CATSPERE: variants seen among roughly 807,000 people sequenced by gnomAD.
CATSPERE encodes the protein cation channel sperm-associated auxiliary subunit epsilon.
Under a neutral mutation model 114.1 loss-of-function variants are expected in CATSPERE, and 93 were observed. That is an observed-to-expected ratio of 0.81 (90% CI 0.69 to 0.97). CATSPERE has a LOEUF of 0.97. Among genes scored for constraint, CATSPERE ranks in the 50% least tolerant of loss-of-function variants. The probability of loss-of-function intolerance (pLI) is 0.00; values close to 1 mark genes in which losing one functional copy is unlikely to be tolerated. For synonymous variants in CATSPERE, 341 were observed against 384.1 expected (o/e 0.89, Z 1.31); for missense variants, 1,058 against 1,131.6 (o/e 0.93, Z 0.93).
chr1:244,616,573 G>A (rs908143006), intron 19 of CATSPERE, among the ~76,000 whole-genome samples: 1 of 152,170 alleles, frequency 6.6e-6, no homozygotes, highest in Non-Finnish European at 1.5e-5. Context: ...CAAAAGGAGA[G>A]AGAGGGTGAG....
Position 244,610,247 on chromosome 1 carries a change from G to A in CATSPERE, c.2411G>A (p.Cys804Tyr), listed in dbSNP as rs1670530354. 4.4e-6 allele frequency: 7 copies of A among 1,605,838 alleles called. No individual in the cohort carries two copies. Among genetic ancestry groups the A allele is most frequent in the Non-Finnish European group, 6.0e-6 (7 of 1,175,612 alleles). Residue 804 changes from cysteine to tyrosine, a missense_variant, in exon 19 of 22, where the codon TGT becomes TAT. Physicochemically the swap from Cys to Tyr is radical, Grantham distance 194. Coordinates refer to ENST00000366534, the MANE Select transcript of CATSPERE (RefSeq NM_001130957.2). ...TGTGCCATCTTTTGACAGAGTGGTT[G>A]TTTACATGAAGCACAGACATGGAAG... ...SFNNTMAQSG[C>Y]LHEAQTWKSM...
chr1:244,638,282 T>C lies in CATSPERE; in HGVS notation c.2703-1646T>C, dbSNP rs149270247. Among the ~76,000 whole-genome samples, 531 of 152,368 alleles carry C rather than the reference T, an allele frequency of 3.5e-3. 8 individuals are homozygous for C. The highest frequency in any genetic ancestry group is 0.031 in the Admixed American group (471 of 15,306). ...CTCATTACAATAGCTTTGGCCTTCA[T>C]GGAGCTAATAGATATTTTCCAGTCC... On this transcript the variant is annotated intron_variant, in intron 21 of 21. Transcript: ENST00000366534.
At chr1:244,549,705 G>C (rs1244164472) in intron 8 of CATSPERE, among the ~76,000 whole-genome samples, 2 of 152,128 alleles carry the variant, frequency 1.3e-5, no homozygotes, top group African/African-American at 4.8e-5. Flanking sequence ...TTTATTTGGA[G>C]ATACTTTGAG....
chr1:244,532,402 T>C (rs954540341), intron 8 of CATSPERE, among the ~76,000 whole-genome samples: 3 of 152,136 alleles, frequency 2.0e-5, no homozygotes, highest in Admixed American at 2.0e-4. Flanking sequence ...ATCATTAGGT[T>C]GTTTATTTGA....
Position 244,553,622 on chromosome 1 carries a change from C to CACACACACACACACATATATACAT in CATSPERE, c.1029+823_1029+824insTATATACATACACACACACACACA, listed in dbSNP as rs1553356172. 6.9e-3 allele frequency among the ~76,000 whole-genome samples: 976 copies of CACACACACACACACATATATACAT among 141,302 alleles called. 20 individuals are homozygous for CACACACACACACACATATATACAT. Among genetic ancestry groups the CACACACACACACACATATATACAT allele is most frequent in the African/African-American group, 0.027 (936 of 35,084 alleles). 92.7% of individuals were successfully genotyped at this position (141,302 alleles called of 152,430 possible). A position where few individuals can be genotyped will look rare whatever the true frequency, so the allele number is the denominator to read the frequency against. On this transcript the variant is annotated intron_variant, in intron 9 of 21. Transcript: ENST00000366534. ...AAAAATACACACACACACACACACA[C>CACACACACACACACATATATACAT]ACACACACACACACACACACACATA...
intron 8 of CATSPERE, among the ~76,000 whole-genome samples, chr1:244,529,966 G>C (rs984027302): frequency 6.6e-6 from 1 of 151,858 alleles, no homozygotes; most frequent in South Asian, 2.1e-4. Flanking sequence ...TTGTTTTTGA[G>C]ACAAGAGTTT....
At chr1:244,578,294 G>A (rs559441429) in intron 11 of CATSPERE, among the ~76,000 whole-genome samples, 23 of 152,150 alleles carry the variant, frequency 1.5e-4, no homozygotes, top group South Asian at 6.2e-4. Context: ...CTGAGACTAT[G>A]GGTGTGCACC....
At chr1:244,616,015 A>G (rs1024072280) in intron 19 of CATSPERE, among the ~76,000 whole-genome samples, 25 of 151,712 alleles carry the variant, frequency 1.6e-4, no homozygotes, top group Non-Finnish European at 3.1e-4. Context: ...TGTAGTCCCA[A>G]CTTCTAGGGA....
chr1:244,543,707 G>T (rs1469124281), intron 8 of CATSPERE, among the ~76,000 whole-genome samples: 1 of 150,200 alleles, frequency 6.7e-6, no homozygotes, highest in East Asian at 1.9e-4. Context: ...TCCCCAGTGT[G>T]CATTCAGCCC....
intron 1 of CATSPERE, among the ~76,000 whole-genome samples, chr1:244,455,668 C>G (rs1666084978): frequency 6.6e-6 from 1 of 151,874 alleles, no homozygotes; most frequent in African/African-American, 2.4e-5. Context: ...TTTTCCTTCT[C>G]AGTCAACTGA....
chr1:244,588,504 GTGA>G lies in CATSPERE; in HGVS notation c.2113_2115del (p.Asp705del), dbSNP rs1305585807. 3 of 1,612,118 alleles carry G rather than the reference GTGA, an allele frequency of 1.9e-6. No homozygotes were observed. The highest frequency in any genetic ancestry group is 1.7e-6 in the Non-Finnish European group (2 of 1,178,304). On this transcript the variant is annotated inframe_deletion, in exon 14 of 22. Coordinates refer to ENST00000366534, the MANE Select transcript of CATSPERE (RefSeq NM_001130957.2). Reference sequence around the variant, plus strand: ...TAGGTGTTCCAAATAGCTGTTGGCTGTGATGATAAAAAATTCATTGCAATTAAA... The same window carrying G: ...TAGGTGTTCCAAATAGCTGTTGGCTGTGATAAAAAATTCATTGCAATTAAA...
chr1:244,495,310 A>G (rs547403583), intron 6 of CATSPERE, among the ~76,000 whole-genome samples: 14 of 152,334 alleles, frequency 9.2e-5, no homozygotes, highest in African/African-American at 3.4e-4. Flanking sequence ...TTTTATAGTT[A>G]AAAGTAGTGA....
chr1:244,496,382 G>T (rs1420781347), intron 6 of CATSPERE, among the ~76,000 whole-genome samples: 1 of 152,166 alleles, frequency 6.6e-6, no homozygotes, highest in Admixed American at 6.5e-5. Flanking sequence ...GCTAAGGTTG[G>T]AGGCAGGACA....
At chr1:244,516,335 T>TTTTTG (rs1676611635) in intron 7 of CATSPERE, among the ~76,000 whole-genome samples, 1 of 151,000 alleles carries the variant, frequency 6.6e-6, no homozygotes, top group African/African-American at 2.4e-5. Context: ...ATCAAGAGAG[T>TTTTTG]TTTGTTTGTT....
intron 19 of CATSPERE, among the ~76,000 whole-genome samples, chr1:244,613,426 GT>G (rs1162052906): frequency 1.3e-5 from 2 of 152,106 alleles, no homozygotes; most frequent in Non-Finnish European, 2.9e-5. Context: ...GAAAAACAAC[GT>G]CAGAGTTTAT....
chr1:244,528,679 T>C (rs1679069240), intron 8 of CATSPERE, among the ~76,000 whole-genome samples: 1 of 152,026 alleles, frequency 6.6e-6, no homozygotes, highest in African/African-American at 2.4e-5. Context: ...AAACATCCAA[T>C]TAAATTATTA....
At chr1:244,583,078 A>G (rs1330812576) in intron 12 of CATSPERE, among the ~76,000 whole-genome samples, 1 of 151,840 alleles carries the variant, frequency 6.6e-6, no homozygotes, top group African/African-American at 2.4e-5. Flanking sequence ...TCACCCACCA[A>G]CTTATCTCTT....
chr1:244,577,616 G>C (rs1400979898), intron 11 of CATSPERE, among the ~76,000 whole-genome samples: 1 of 152,164 alleles, frequency 6.6e-6, no homozygotes, highest in Non-Finnish European at 1.5e-5. Flanking sequence ...CATGGCAGAA[G>C]GGGCAAGGCC....
At chr1:244,610,716 A>C in intron 19 of CATSPERE, 1 of 194,456 alleles carries the variant, frequency 5.1e-6, no homozygotes, top group African/African-American at 2.4e-5. Context: ...CTTAACCATC[A>C]CTTTCATGAA....
Sources: allele counts gnomAD v4.1 joint callset (sites outside exome capture counted in the v4.1 genomes callset), GRCh38; gene constraint gnomAD v4.1.1; transcripts MANE v1.5; gene names NCBI Gene and HGNC (gene_info 2026-07-23, HGNC 2026-07-21).